NSUN6: variants seen among roughly 807,000 people sequenced by gnomAD.
The protein encoded by NSUN6 is NOP2/Sun RNA methyltransferase 6.
NSUN6 carries 64 observed loss-of-function variants against 58.0 expected under a neutral mutation model. The ratio of observed to expected loss-of-function variants is 1.10; its 90% CI spans 0.90 to 1.36. The LOEUF is 1.36. NSUN6 is among the 40% of genes most tolerant of loss of function. NSUN6 has a pLI of 0.00. For missense variants in NSUN6, 701 were observed against 550.1 expected (o/e 1.27, Z -2.74); for synonymous variants, 231 against 193.9 (o/e 1.19, Z -1.59).
intron 8 of NSUN6, among the ~76,000 whole-genome samples, chr10:18,578,231 ATTT>A (rs71402184): frequency 4.1e-5 from 5 of 121,154 alleles, no homozygotes; most frequent in Non-Finnish European, 6.6e-5. Flanking sequence ...CTCTAAGCCT[ATTT>A]TTTTTTTTTT....
At position 18,614,493 on chromosome 10, in the gene NSUN6, C is replaced by T. The variant is rs199543258; in HGVS notation, c.542G>A (p.Arg181His). 13 of 1,555,070 alleles carry T rather than the reference C, an allele frequency of 8.4e-6. No homozygotes were observed. The highest frequency in any genetic ancestry group is 2.4e-5 in the East Asian group (1 of 41,084). Residue 181 changes from arginine to histidine, a missense_variant, in exon 5 of 11, where the codon CGC (arginine) becomes CAC (histidine). By Grantham distance (29) the Arg-to-His change is conservative. Transcript: ENST00000377304. The part of the protein sequence containing the change: ...FLGNGISELS[R>H]KEIFSGLPEL... ...AGGTAATCCACTGAAGATTTCTTTG[C>T]GGCTTAGTTCAGAAATCCCATTTCC... is the stretch of plus-strand genomic sequence containing the variant.
At chr10:18,625,960 T>C (rs187308473) in intron 3 of NSUN6, among the ~76,000 whole-genome samples, 20 of 152,064 alleles carry the variant, frequency 1.3e-4, no homozygotes, top group Admixed American at 5.9e-4. Flanking sequence ...AAATACTATG[T>C]GGCCTGAAAC....
At chr10:18,609,208 G>C (rs992726392) in intron 6 of NSUN6, among the ~76,000 whole-genome samples, 4 of 152,122 alleles carry the variant, frequency 2.6e-5, no homozygotes, top group Admixed American at 1.3e-4. Flanking sequence ...CTATTTGCGA[G>C]GCTAAGGCAG....
At position 18,569,362 on chromosome 10, in the gene NSUN6, T is replaced by C. The variant is rs149584993; in HGVS notation, c.922+16587A>G. On this transcript the variant is annotated intron_variant, in intron 8 of 10. Coordinates refer to ENST00000377304, the MANE Select transcript of NSUN6 (RefSeq NM_182543.5). ...CATTCCATTTTCCATTCCATTGCAT[T>C]CTCCATTCCATTCTCTTCCATTTTC... 2.6e-3 allele frequency among the ~76,000 whole-genome samples: 386 copies of C among 150,818 alleles called. 3 individuals are homozygous for C. The highest frequency in any genetic ancestry group is 9.0e-3 in the African/African-American group (371 of 41,286).
chr10:18,657,366 T>C (rs1281523649), upstream of NSUN6, among the ~76,000 whole-genome samples: 1 of 152,158 alleles, frequency 6.6e-6, no homozygotes, highest in Admixed American at 6.5e-5. Flanking sequence ...AAATTGTTCA[T>C]AAGAAAGGTG....
At chr10:18,630,688 T>C (rs909235129) in intron 3 of NSUN6, among the ~76,000 whole-genome samples, 9 of 152,192 alleles carry the variant, frequency 5.9e-5, no homozygotes, top group African/African-American at 2.2e-4. Context: ...ACATACATTA[T>C]CCCAAGACTA....
chr10:18,641,608 G>C (rs1369652906), intron 3 of NSUN6, among the ~76,000 whole-genome samples: 2 of 152,150 alleles, frequency 1.3e-5, no homozygotes, highest in South Asian at 2.1e-4. Context: ...GGGCTCAAGG[G>C]ATCCGCCTAC....
intron 7 of NSUN6, among the ~76,000 whole-genome samples, chr10:18,587,415 T>TA (rs1262890930): frequency 6.6e-6 from 1 of 152,166 alleles, no homozygotes; most frequent in Non-Finnish European, 1.5e-5. Flanking sequence ...TGGTATGGTA[T>TA]AAAACGCAGT....
chr10:18,626,305 C>T (rs781573318), intron 3 of NSUN6, among the ~76,000 whole-genome samples: 6 of 151,206 alleles, frequency 4.0e-5, no homozygotes, highest in East Asian at 1.9e-4. Flanking sequence ...TTTGGGAGGC[C>T]GAGGAGGGTG....
At chr10:18,568,051 A>T (rs1249589057) in intron 8 of NSUN6, among the ~76,000 whole-genome samples, 1 of 146,060 alleles carries the variant, frequency 6.8e-6, no homozygotes, top group Non-Finnish European at 1.5e-5. Flanking sequence ...TCTATTCTCC[A>T]TTCTCCATTT....
intron 8 of NSUN6, among the ~76,000 whole-genome samples, chr10:18,576,303 G>A (rs556846035): frequency 6.8e-4 from 103 of 152,134 alleles, no homozygotes; most frequent in Non-Finnish European, 1.2e-3. Context: ...CTCCACTTCA[G>A]AAAAGTACCT....
In NSUN6 at chr10:18,612,160, C is replaced by T. The variant is rs77670603; in HGVS notation, c.576-2234G>A. On this transcript the variant is annotated intron_variant, in intron 5 of 10. Coordinates refer to ENST00000377304, the MANE Select transcript of NSUN6 (RefSeq NM_182543.5). ...CCTGGCTGGGTGTGGCGTCTCATCCCTATAATCTTAGCACTTTGGGAGGCC... is the reference window on the plus strand; with the variant it reads ...CCTGGCTGGGTGTGGCGTCTCATCCTTATAATCTTAGCACTTTGGGAGGCC... 0.03 allele frequency among the ~76,000 whole-genome samples: 4,550 copies of T among 152,154 alleles called. 396 individuals carry two copies. The East Asian group carries it at 0.36, about 12-fold the overall frequency.
At chr10:18,622,455 T>C (rs2131398933) in intron 3 of NSUN6, among the ~76,000 whole-genome samples, 1 of 152,322 alleles carries the variant, frequency 6.6e-6, no homozygotes, top group Non-Finnish European at 1.5e-5. Flanking sequence ...GGCTCATGCC[T>C]GTAATTCCAG....
At chr10:18,573,078 G>A (rs184418881) in intron 8 of NSUN6, among the ~76,000 whole-genome samples, 209 of 118,504 alleles carry the variant, frequency 1.8e-3, no homozygotes, top group South Asian at 2.2e-3. Context: ...TCCATTCTCC[G>A]TTCCACTCCA....
chr10:18,584,751 T>C (rs907966888), intron 8 of NSUN6, among the ~76,000 whole-genome samples: 4 of 151,444 alleles, frequency 2.6e-5, no homozygotes, highest in Non-Finnish European at 4.4e-5. Flanking sequence ...ATGTTGAAAG[T>C]CAAAAGCAAA....
At chr10:18,574,379 A>C (rs1381233852) in intron 8 of NSUN6, among the ~76,000 whole-genome samples, 1 of 152,170 alleles carries the variant, frequency 6.6e-6, no homozygotes, top group African/African-American at 2.4e-5. Context: ...TTTAACATAG[A>C]CCACCGAAAA....
intron 3 of NSUN6, among the ~76,000 whole-genome samples, chr10:18,640,514 T>C (rs920314191): frequency 1.4e-4 from 21 of 152,176 alleles, no homozygotes; most frequent in Admixed American, 6.6e-5. Flanking sequence ...AGGAGTGTAG[T>C]AACCTCCAAA....
At chr10:18,600,222 A>C (rs2057751173) in intron 6 of NSUN6, among the ~76,000 whole-genome samples, 1 of 151,822 alleles carries the variant, frequency 6.6e-6, no homozygotes. Context: ...GTCATCAAAA[A>C]CCAAAGCAAA....
At chr10:18,550,454 TA>T (rs2054530182) in intron 9 of NSUN6, among the ~76,000 whole-genome samples, 2 of 152,342 alleles carry the variant, frequency 1.3e-5, no homozygotes, top group South Asian at 4.1e-4. Flanking sequence ...ATTGTTGCTC[TA>T]GCCTTGTATT....
Sources: gnomAD v4.1 joint callset for allele counts (sites outside exome capture counted in the v4.1 genomes callset) on GRCh38, gnomAD v4.1.1 for gene constraint, MANE v1.5 for transcripts, NCBI Gene and HGNC (gene_info 2026-07-23, HGNC 2026-07-21) for gene names.